KCNMB3: variants seen among roughly 807,000 people sequenced by gnomAD.
KCNMB3 encodes calcium-activated potassium channel subunit beta-3.
In KCNMB3, 18 loss-of-function variants were observed where a neutral mutation model predicts 11.9. That is an observed-to-expected ratio of 1.51 (90% CI 1.04 to 2.23). The LOEUF (loss-of-function observed/expected upper bound fraction) is 2.23. KCNMB3 is among the 30% of genes most tolerant of loss of function. The probability of loss-of-function intolerance (pLI) is 0.00; values close to 1 mark genes in which losing one functional copy is unlikely to be tolerated. For synonymous variants in KCNMB3, 78 were observed against 119.2 expected (o/e 0.65, Z 2.25); for missense variants, 247 against 329.4 (o/e 0.75, Z 1.94).
exon 1 of KCNMB3, chr3:179,266,860 C>A: frequency 2.1e-6 from 3 of 1,436,250 alleles, no homozygotes; most frequent in Non-Finnish European, 2.7e-6. Flanking sequence ...AGCCCCCCGC[C>A]TTCCTGGAGA....
At chr3:179,249,168 G>A (rs962261006) in intron 1 of KCNMB3, among the ~76,000 whole-genome samples, 1 of 150,620 alleles carries the variant, frequency 6.6e-6, no homozygotes, top group Admixed American at 6.6e-5. Context: ...GCCCGCCACC[G>A]TGCCCAGCTA....
At chr3:179,266,238 G>A (rs922072156) in intron 1 of KCNMB3, among the ~76,000 whole-genome samples, 3 of 151,764 alleles carry the variant, frequency 2.0e-5, no homozygotes, top group African/African-American at 7.3e-5. Flanking sequence ...CCAGTCATAT[G>A]GCTGATTAAG....
chr3:179,257,450 T>C (rs1726049269), intron 1 of KCNMB3, among the ~76,000 whole-genome samples: 1 of 152,200 alleles, frequency 6.6e-6, no homozygotes, highest in Admixed American at 6.5e-5. Context: ...TAAATCTAAC[T>C]TTACAATTAT....
intron 1 of KCNMB3, chr3:179,259,896 G>A (rs1268952614): frequency 1.9e-6 from 3 of 1,613,452 alleles, no homozygotes; most frequent in Non-Finnish European, 2.5e-6. Context: ...AGGAACTTCT[G>A]TCTTGATTGG....
rs543271910 is a variant in KCNMB3 at position 179,263,275 on chromosome 3, T to G, written c.62+3374A>C. ...CAGGTGCTAAGCCCCTCACTGTCCGTGGCTTGTAGGCCGGTCGGCCACTCG... is the reference window on the plus strand; with the variant it reads ...CAGGTGCTAAGCCCCTCACTGTCCGGGGCTTGTAGGCCGGTCGGCCACTCG... On this transcript the variant is annotated intron_variant, in intron 1 of 3. Transcript: ENST00000349697. 2.0e-3 allele frequency among the ~76,000 whole-genome samples: 298 copies of G among 152,356 alleles called. 3 individuals carry two copies. Among genetic ancestry groups the G allele is most frequent in the African/African-American group, 6.8e-3 (282 of 41,588 alleles).
At chr3:179,262,430 G>A (rs1726244690) in intron 1 of KCNMB3, among the ~76,000 whole-genome samples, 3 of 152,186 alleles carry the variant, frequency 2.0e-5, no homozygotes, top group South Asian at 2.1e-4. Flanking sequence ...CTGGCTTCAG[G>A]AGTGAAGCTG....
intron 1 of KCNMB3, among the ~76,000 whole-genome samples, chr3:179,262,977 C>T (rs1726268729): frequency 6.6e-6 from 1 of 152,268 alleles, no homozygotes; most frequent in Non-Finnish European, 1.5e-5. Context: ...GACTCAGGAG[C>T]CCAGCTGGCT....
exon 1 of KCNMB3, chr3:179,266,913 C>T: frequency 7.1e-7 from 1 of 1,413,242 alleles, no homozygotes; most frequent in Non-Finnish European, 9.2e-7. Flanking sequence ...TCTGCAGACT[C>T]CTGGCAAGGC....
intron 1 of KCNMB3, chr3:179,259,444 C>G: frequency 1.2e-6 from 2 of 1,612,298 alleles, no homozygotes; most frequent in Non-Finnish European, 1.7e-6. Flanking sequence ...AGTACCTCCT[C>G]AGCTGCTGTT....
chr3:179,266,516 G>T, intron 1 of KCNMB3: 1 of 984,216 alleles, frequency 1.0e-6, no homozygotes, highest in Non-Finnish European at 1.5e-6. Flanking sequence ...TGGGTACCCT[G>T]GGAGGCATGG....
At chr3:179,259,832 T>G in intron 1 of KCNMB3, 1 of 1,608,566 alleles carries the variant, frequency 6.2e-7, no homozygotes, top group Non-Finnish European at 8.5e-7. Context: ...GAGTGTCTAC[T>G]GTACTTGGAC....
intron 1 of KCNMB3, among the ~76,000 whole-genome samples, chr3:179,264,227 T>C (rs1160641801): frequency 6.6e-6 from 1 of 152,248 alleles, no homozygotes; most frequent in African/African-American, 2.4e-5. Context: ...TTTGTAATCC[T>C]ATTGGCTACA....
intron 1 of KCNMB3, among the ~76,000 whole-genome samples, chr3:179,262,812 T>A (rs959818169): frequency 3.9e-5 from 6 of 151,996 alleles, no homozygotes; most frequent in African/African-American, 7.3e-5. Flanking sequence ...CCCACCAGAG[T>A]AGCTAGATAC....
intron 1 of KCNMB3, among the ~76,000 whole-genome samples, chr3:179,248,402 G>A (rs114007985): frequency 0.021 from 3,166 of 152,216 alleles, 50 homozygotes; most frequent in South Asian, 0.067. Context: ...ACCTGCAGTC[G>A]AAAATTTGCA....
chr3:179,251,171 T>C, upstream of KCNMB3: 5 of 1,611,136 alleles, frequency 3.1e-6, no homozygotes, highest in South Asian at 1.1e-5. Context: ...GCCTAAGAAA[T>C]GTTGCCTCAT....
At chr3:179,248,602 C>T (rs976448461) in intron 1 of KCNMB3, among the ~76,000 whole-genome samples, 1 of 151,914 alleles carries the variant, frequency 6.6e-6, no homozygotes, top group African/African-American at 2.4e-5. Flanking sequence ...GTGGCACACA[C>T]CTGTGGTCCC....
chr3:179,254,287 C>G (rs1056688735), upstream of KCNMB3, among the ~76,000 whole-genome samples: 20 of 152,158 alleles, frequency 1.3e-4, no homozygotes, highest in African/African-American at 4.3e-4. Flanking sequence ...CTTTCTCAAA[C>G]CTTAACACTG....
intron 1 of KCNMB3, chr3:179,259,715 CTTCTT>C (rs1269051324): frequency 1.3e-6 from 2 of 1,591,504 alleles, no homozygotes; most frequent in Non-Finnish European, 1.7e-6. Context: ...ATTTTTTCCT[CTTCTT>C]TTTCTTTTTC....
At chr3:179,245,621 T>C (rs1488276167) in intron 1 of KCNMB3, among the ~76,000 whole-genome samples, 2 of 151,994 alleles carry the variant, frequency 1.3e-5, no homozygotes, top group Non-Finnish European at 2.9e-5. Flanking sequence ...TGCCTCAGCC[T>C]CCTGAGTAGC....
Sources: allele counts gnomAD v4.1 joint callset (sites outside exome capture counted in the v4.1 genomes callset), GRCh38; gene constraint gnomAD v4.1.1; transcripts MANE v1.5; gene names NCBI Gene and HGNC (gene_info 2026-07-23, HGNC 2026-07-21).